The following ALK variants were observed in gnomAD, a reference collection of about 807,000 sequenced individuals.
The protein encoded by ALK is ALK tyrosine kinase receptor.
A neutral mutation model predicts 163.1 loss-of-function variants in ALK; 74 were observed. That is an observed-to-expected ratio of 0.45 (90% confidence interval 0.38 to 0.55). The LOEUF (loss-of-function observed/expected upper bound fraction) is 0.55, where lower values mean the gene tolerates loss of function less well. Ranked by LOEUF, ALK falls within the 20% of genes least tolerant of loss-of-function variation. The pLI is 0.00. For synonymous variants in ALK, 960 were observed against 843.2 expected (o/e 1.14, Z -2.40); for missense variants, 2,063 against 2,105.3 (o/e 0.98, Z 0.39).
intron 1 of ALK, among the ~76,000 whole-genome samples, chr2:29,728,486 A>G (rs1193773019): frequency 6.6e-6 from 1 of 152,242 alleles, no homozygotes; most frequent in Non-Finnish European, 1.5e-5. Context: ...GGCAGCAGAC[A>G]GCCATCCAAC....
intron 28 of ALK, 63 bp from the exon 29 acceptor site, chr2:29,193,985 A>G: frequency 6.8e-7 from 1 of 1,468,762 alleles, no homozygotes; most frequent in South Asian, 1.2e-5. Context: ...TCTAGAAGAT[A>G]CCTTAGAGAT....
chr2:29,455,379 C>A (rs1301910726), intron 4 of ALK, among the ~76,000 whole-genome samples: 8 of 152,178 alleles, frequency 5.3e-5, no homozygotes, highest in Non-Finnish European at 1.2e-4. Context: ...GGGAGAGCAG[C>A]AAGGTGGGGC....
chr2:29,538,017 C>G (rs11692378), intron 3 of ALK, among the ~76,000 whole-genome samples: 39,139 of 152,174 alleles, frequency 0.26, 5,340 homozygotes, highest in South Asian at 0.36. Context: ...GTACCACCAT[C>G]GTATCTTAGA....
Position 29,489,152 on chromosome 2 carries a change from T to C in ALK, c.1154+42763A>G, listed in dbSNP as rs552199434. 2.6e-5 allele frequency among the ~76,000 whole-genome samples: 4 copies of C among 152,332 alleles called. 1 individual carries two copies. The South Asian group carries it at 8.3e-4, about 32-fold the overall frequency. ...TATATGTTTACGTCTCATATTAGCC[T>C]ATGCATTTCTTAAAACAAGGTCTGT... On this transcript the variant is annotated intron_variant, in intron 4 of 28. Coordinates refer to ENST00000389048, the MANE Select transcript of ALK (RefSeq NM_004304.5).
intron 1 of ALK, among the ~76,000 whole-genome samples, chr2:29,891,824 A>G (rs1667155389): frequency 6.6e-6 from 1 of 152,192 alleles, no homozygotes. Context: ...TAGATGCAGC[A>G]GGACTGCAAG....
At chr2:29,437,079 A>G (rs960198514) in intron 4 of ALK, among the ~76,000 whole-genome samples, 1 of 152,128 alleles carries the variant, frequency 6.6e-6, no homozygotes, top group Non-Finnish European at 1.5e-5. Context: ...GCTGCCTTCT[A>G]ATGGTGGCCT....
intron 3 of ALK, among the ~76,000 whole-genome samples, chr2:29,584,897 A>G (rs920937337): frequency 6.6e-6 from 1 of 152,096 alleles, no homozygotes; most frequent in Non-Finnish European, 1.5e-5. Flanking sequence ...GACCACATAC[A>G]TTTTTGTTAA....
At chr2:29,195,806 C>A (rs115436356) in intron 28 of ALK, among the ~76,000 whole-genome samples, 3 of 152,106 alleles carry the variant, frequency 2.0e-5, no homozygotes, top group Admixed American at 6.5e-5. Flanking sequence ...CCTGGCAGAA[C>A]GAGAACCAAG....
At chr2:29,670,733 C>T (rs1677658017) in intron 3 of ALK, among the ~76,000 whole-genome samples, 1 of 151,968 alleles carries the variant, frequency 6.6e-6, no homozygotes, top group Non-Finnish European at 1.5e-5. Flanking sequence ...TTCATATAGC[C>T]AGTGTTTGAG....
At chr2:29,810,259 T>C (rs1160600049) in intron 1 of ALK, among the ~76,000 whole-genome samples, 2 of 151,946 alleles carry the variant, frequency 1.3e-5, no homozygotes, top group Non-Finnish European at 1.5e-5. Context: ...CCATCTCTAC[T>C]AAAAATACAA....
chr2:29,259,946 A>G (rs928474790), intron 11 of ALK, among the ~76,000 whole-genome samples: 6 of 152,162 alleles, frequency 3.9e-5, no homozygotes, highest in Admixed American at 6.5e-5. Flanking sequence ...TTGGGCACCT[A>G]AGCAAAATAG....
At chr2:29,359,425 CA>C (rs1668337008) in intron 5 of ALK, among the ~76,000 whole-genome samples, 1 of 152,208 alleles carries the variant, frequency 6.6e-6, no homozygotes, top group Non-Finnish European at 1.5e-5. Flanking sequence ...GGTTGGTGTC[CA>C]GGACTTCTCA....
At chr2:29,847,856 A>T (rs1420574335) in intron 1 of ALK, among the ~76,000 whole-genome samples, 2 of 151,612 alleles carry the variant, frequency 1.3e-5, no homozygotes, top group African/African-American at 4.8e-5. Flanking sequence ...AGGAGAGGGA[A>T]GATGAAGCAA....
Position 29,532,010 on chromosome 2 carries a change from C to A in ALK, c.1059G>T (p.Arg353Ser). The change falls in exon 4 of 29, where the codon AGG becomes AGT. Residue 353 changes from arginine to serine, a missense_variant. Around this residue, in one of 5 missense-constraint regions of ALK, gnomAD observed 987 missense variants for 939.5 expected, o/e 1.05. Transcript: ENST00000389048. ...EHCTLAVSVH[R>S]HLQPSGRYIA... ...TGTACCTTCCAGAGGGCTGCAGGTG[C>A]CTGTGCACCGAGACGGCCAGTGTGC... 1.9e-6 allele frequency: 3 copies of A among 1,614,126 alleles called. No individual in the cohort carries two copies. The highest frequency in any genetic ancestry group is 2.5e-6 in the Non-Finnish European group (3 of 1,180,002).
At chr2:29,383,475 C>T (rs1254416584) in intron 5 of ALK, among the ~76,000 whole-genome samples, 1 of 152,114 alleles carries the variant, frequency 6.6e-6, no homozygotes, top group Non-Finnish European at 1.5e-5. Flanking sequence ...CATCACCACA[C>T]CAGGCTAATT....
At chr2:29,636,009 C>G (rs778508267) in intron 3 of ALK, among the ~76,000 whole-genome samples, 1 of 152,090 alleles carries the variant, frequency 6.6e-6, no homozygotes, top group Non-Finnish European at 1.5e-5. Context: ...AGGTTTAGCA[C>G]AATTCCTATC....
At chr2:29,444,654 C>T (rs2148085233) in intron 4 of ALK, among the ~76,000 whole-genome samples, 1 of 152,304 alleles carries the variant, frequency 6.6e-6, no homozygotes, top group South Asian at 2.1e-4. Flanking sequence ...TATATTAATG[C>T]ATACAAAGTA....
At chr2:29,621,258 G>A (rs1051590026) in intron 3 of ALK, among the ~76,000 whole-genome samples, 1 of 152,108 alleles carries the variant, frequency 6.6e-6, no homozygotes, top group Non-Finnish European at 1.5e-5. Flanking sequence ...AAACAACACT[G>A]TCTTAGATGA....
intron 3 of ALK, among the ~76,000 whole-genome samples, chr2:29,541,362 A>G (rs745588323): frequency 1.6e-4 from 24 of 152,184 alleles, no homozygotes; most frequent in Non-Finnish European, 3.4e-4. Flanking sequence ...GCACCATCTC[A>G]GTTCACTGTA....
Sources: gnomAD v4.1 joint callset for allele counts (sites outside exome capture counted in the v4.1 genomes callset) on GRCh38, gnomAD v4.1.1 for gene constraint, gnomAD v4.1.1 regional missense constraint, MANE v1.5 for transcripts, NCBI Gene and HGNC (gene_info 2026-07-23, HGNC 2026-07-21) for gene names.